The following SLC26A7 variants were observed in gnomAD, a reference collection of about 807,000 sequenced individuals.
The protein encoded by SLC26A7 is anion exchange transporter.
A neutral mutation model predicts 82.5 loss-of-function variants in SLC26A7; 59 were observed. The observed-to-expected ratio is 0.72, with a 90% CI of 0.58 to 0.89. The LOEUF (loss-of-function observed/expected upper bound fraction) is 0.89, where lower values mean the gene tolerates loss of function less well. SLC26A7 is among the 40% of genes least tolerant of loss of function. The pLI is 0.00. For missense variants in SLC26A7, 820 were observed against 793.0 expected (o/e 1.03, Z -0.41); for synonymous variants, 271 against 274.3 (o/e 0.99, Z 0.12).
intron 5 of SLC26A7, among the ~76,000 whole-genome samples, chr8:91,330,978 G>A (rs1183479307): frequency 6.6e-6 from 1 of 152,008 alleles, no homozygotes; most frequent in African/African-American, 2.4e-5. Flanking sequence ...TGGCAGTTTT[G>A]GTCTCTTCTT....
intron 2 of SLC26A7, among the ~76,000 whole-genome samples, chr8:91,287,180 G>T (rs943250248): frequency 6.6e-6 from 1 of 152,124 alleles, no homozygotes; most frequent in African/African-American, 2.4e-5. Flanking sequence ...ATGATATTTT[G>T]TATTTAATTT....
At chr8:91,237,807 G>T (rs936103950) in intron 2 of SLC26A7, among the ~76,000 whole-genome samples, 1 of 152,136 alleles carries the variant, frequency 6.6e-6, no homozygotes. Context: ...CTCTTCCAAA[G>T]ATCACTCAGC....
At position 91,239,396 on chromosome 8, in the gene SLC26A7, ATATATATATATATATGTATATG is replaced by A. The variant is rs375069048; in HGVS notation, c.-33-10213_-33-10192del. On this transcript the variant is annotated intron_variant, in intron 2 of 5. Transcript: ENST00000522862. ...GTCTCAAAAAAAAAAAAAAAAAAAA[ATATATATATATATATGTATATG>A]TATATATATGTATATATGTGTATAT... Among the ~76,000 whole-genome samples the A allele has an allele frequency of 6.2e-3, 652 of 105,850 alleles. 45 individuals carry two copies. Among genetic ancestry groups the A allele is most frequent in the Middle Eastern group, 0.027 (5 of 188 alleles). 69.4% of individuals were successfully genotyped at this position (105,850 alleles called of 152,430 possible). A position where few individuals can be genotyped will look rare whatever the true frequency, so the allele number is the denominator to read the frequency against.
intron 4 of SLC26A7, among the ~76,000 whole-genome samples, chr8:91,305,471 A>C (rs1244029601): frequency 6.6e-6 from 1 of 152,120 alleles, no homozygotes; most frequent in Non-Finnish European, 1.5e-5. Context: ...ACAACTCCTT[A>C]CACTTGTGTA....
At chr8:91,314,389 A>G (rs552691812) in intron 4 of SLC26A7, among the ~76,000 whole-genome samples, 35 of 152,188 alleles carry the variant, frequency 2.3e-4, no homozygotes, top group South Asian at 4.1e-4. Context: ...TGTACTTGCT[A>G]CCTTTGAGCT....
At position 91,353,053 on chromosome 8, in the gene SLC26A7, A is replaced by G. The variant is rs1331183569; in HGVS notation, c.1314+57A>G. 7 of 1,102,482 alleles carry G rather than the reference A, an allele frequency of 6.3e-6. No homozygotes were observed. The Admixed American group carries it at 1.3e-4, about 20-fold the overall frequency. 68.3% of individuals were successfully genotyped at this position (1,102,482 alleles called of 1,614,324 possible). ...TTTTAGCTTAAGCTTATGTTACCAA[A>G]TATGCACTAATACTTTTATTTGCAG... is the stretch of plus-strand genomic sequence containing the variant. On this transcript the variant is annotated intron_variant, in intron 11 of 18. Coordinates refer to ENST00000276609, the MANE Select transcript of SLC26A7 (RefSeq NM_052832.4).
intron 5 of SLC26A7, among the ~76,000 whole-genome samples, chr8:91,333,861 C>T (rs578235553): frequency 6.6e-6 from 1 of 152,104 alleles, no homozygotes; most frequent in African/African-American, 2.4e-5. Flanking sequence ...AGTTAAATGC[C>T]AGCTCTTAAC....
intron 2 of SLC26A7, among the ~76,000 whole-genome samples, chr8:91,288,917 A>C (rs1338993535): frequency 6.6e-6 from 1 of 152,226 alleles, no homozygotes; most frequent in African/African-American, 2.4e-5. Context: ...CAATCAAAGG[A>C]AAAAGCATTA....
intron 2 of SLC26A7, among the ~76,000 whole-genome samples, chr8:91,274,946 TG>T (rs1325841945): frequency 6.6e-6 from 1 of 152,206 alleles, no homozygotes; most frequent in Non-Finnish European, 1.5e-5. Flanking sequence ...TTGCCAAGGA[TG>T]GGTACTTTGA....
chr8:91,381,541 A>G (rs773159295), intron 15 of SLC26A7, among the ~76,000 whole-genome samples: 56 of 152,224 alleles, frequency 3.7e-4, no homozygotes, highest in Non-Finnish European at 7.4e-4. Context: ...CTCTTTCTGA[A>G]CTGAAAAATT....
chr8:91,229,306 A>G (rs1810282041), intron 2 of SLC26A7, among the ~76,000 whole-genome samples: 1 of 151,954 alleles, frequency 6.6e-6, no homozygotes, highest in Non-Finnish European at 1.5e-5. Flanking sequence ...ATTTCACTCT[A>G]CTGTTTACTT....
chr8:91,306,385 CT>C (rs767092981), intron 4 of SLC26A7, among the ~76,000 whole-genome samples: 16 of 152,124 alleles, frequency 1.1e-4, no homozygotes, highest in Non-Finnish European at 1.9e-4. Context: ...TCTTAGAGTC[CT>C]TCTTTTTCCC....
At chr8:91,384,941 ATACT>A (rs930507602) in intron 15 of SLC26A7, among the ~76,000 whole-genome samples, 10 of 152,196 alleles carry the variant, frequency 6.6e-5, no homozygotes, top group African/African-American at 2.4e-4. Flanking sequence ...TCAACAGAAA[ATACT>A]TTCTTTTAAA....
chr8:91,241,755 TATA>T (rs750351797), intron 2 of SLC26A7, among the ~76,000 whole-genome samples: 6 of 152,174 alleles, frequency 3.9e-5, no homozygotes, highest in Admixed American at 2.0e-4. Context: ...TAAAAATAAT[TATA>T]AGCCCTCCAT....
At chr8:91,321,427 C>T (rs1472003327) in intron 5 of SLC26A7, among the ~76,000 whole-genome samples, 5 of 152,226 alleles carry the variant, frequency 3.3e-5, no homozygotes, top group Admixed American at 6.5e-5. Flanking sequence ...CGCTCTTTCT[C>T]TTCTAGCTGA....
chr8:91,316,451 A>ATTT lies in SLC26A7; in HGVS notation c.478-1728_478-1726dup, dbSNP rs58981485. ...GAACTCGCTGCCACACTCAACACTA[A>ATTT]TTTTTTTTTTTTTTTTTTTTTTTTT... On this transcript the variant is annotated intron_variant, in intron 4 of 18. Coordinates refer to ENST00000276609, the MANE Select transcript of SLC26A7 (RefSeq NM_052832.4). Among the ~76,000 whole-genome samples, 25 of 34,422 alleles carry ATTT rather than the reference A, an allele frequency of 7.3e-4. 6 individuals carry two copies. Among genetic ancestry groups the ATTT allele is most frequent in the Non-Finnish European group, 9.6e-4 (18 of 18,848 alleles). 22.6% of individuals were successfully genotyped at this position (34,422 alleles called of 152,430 possible).
intron 11 of SLC26A7, among the ~76,000 whole-genome samples, chr8:91,356,417 C>T (rs1813869412): frequency 6.6e-6 from 1 of 151,906 alleles, no homozygotes; most frequent in African/African-American, 2.4e-5. Flanking sequence ...TAATGATCGC[C>T]ATTCTAACTG....
At chr8:91,289,509 G>T (rs1220533233) in intron 3 of SLC26A7, among the ~76,000 whole-genome samples, 1 of 152,192 alleles carries the variant, frequency 6.6e-6, no homozygotes, top group Admixed American at 6.5e-5. Flanking sequence ...ATGGGGCGTG[G>T]TAGTACACGC....
At chr8:91,302,398 T>C (rs1812190899) in intron 4 of SLC26A7, among the ~76,000 whole-genome samples, 1 of 152,136 alleles carries the variant, frequency 6.6e-6, no homozygotes. Context: ...CCAATGTCTC[T>C]CACTCATTGG....
Sources: gnomAD v4.1 joint callset for allele counts (sites outside exome capture counted in the v4.1 genomes callset) on GRCh38, gnomAD v4.1.1 for gene constraint, MANE v1.5 for transcripts, NCBI Gene and HGNC (gene_info 2026-07-23, HGNC 2026-07-21) for gene names.